Variants in CAST observed in about 807,000 individuals in gnomAD.
CAST encodes the protein MIR583 host.
Under a neutral mutation model 119.6 loss-of-function variants are expected in CAST, and 76 were observed. The observed-to-expected ratio is 0.64, with a 90% confidence interval of 0.53 to 0.77. The LOEUF is 0.77. CAST is among the 30% of genes least tolerant of loss of function. The pLI, the probability that CAST is intolerant of heterozygous loss-of-function variation, is 0.00. For synonymous variants in CAST, 319 were observed against 331.6 expected, an observed-to-expected ratio of 0.96 and a Z score of 0.41; for missense variants, 953 against 946.5, an observed-to-expected ratio of 1.01 and a Z score of -0.09.
chr5:96,659,185 A>T (rs1748208896), upstream of CAST, among the ~76,000 whole-genome samples: 1 of 152,364 alleles, frequency 6.6e-6, no homozygotes, highest in African/African-American at 2.4e-5. Context: ...AACAGATATA[A>T]TGAAAAAGGT....
chr5:96,160,714 T>C, the CAST span, among the ~76,000 whole-genome samples: 1 of 152,178 alleles, frequency 6.6e-6, no homozygotes, highest in African/African-American at 2.4e-5. Flanking sequence ...TACAACATTT[T>C]ACAATCCTAA....
intron 1 of CAST, among the ~76,000 whole-genome samples, chr5:96,534,801 GAAGA>G (rs377420795): frequency 0.087 from 9,407 of 108,004 alleles, 718 homozygotes; most frequent in Non-Finnish European, 0.11. Context: ...AAGAAAGAAA[GAAGA>G]AAGAAAGAAA....
the CAST span, among the ~76,000 whole-genome samples, chr5:96,413,369 T>C: frequency 6.6e-6 from 1 of 152,230 alleles, no homozygotes; most frequent in Non-Finnish European, 1.5e-5. Context: ...TACCTGGTTA[T>C]TTCTGGCTTC....
the CAST span, among the ~76,000 whole-genome samples, chr5:96,468,411 G>T: frequency 6.6e-6 from 1 of 152,068 alleles, no homozygotes. Context: ...AAATTCAGGT[G>T]TGCAATTTAA....
At chr5:96,720,759 C>T (rs997919225) in intron 3 of CAST, among the ~76,000 whole-genome samples, 2 of 152,224 alleles carry the variant, frequency 1.3e-5, no homozygotes, top group Non-Finnish European at 2.9e-5. Flanking sequence ...AGTAACAAGG[C>T]AGGCTGGACA....
chr5:96,650,361 C>A (rs1748075623), intron 1 of CAST, among the ~76,000 whole-genome samples: 2 of 152,182 alleles, frequency 1.3e-5, no homozygotes, highest in Non-Finnish European at 2.9e-5. Context: ...TGGAAGCAAG[C>A]TGCTTTGGGG....
the CAST span, among the ~76,000 whole-genome samples, chr5:95,995,496 A>T: frequency 6.6e-6 from 1 of 152,114 alleles, no homozygotes; most frequent in Non-Finnish European, 1.5e-5. Flanking sequence ...TGACCTATTG[A>T]ATTATTTCAG....
intron 3 of CAST, among the ~76,000 whole-genome samples, chr5:96,705,071 G>A (rs1421233431): frequency 6.6e-6 from 1 of 152,150 alleles, no homozygotes; most frequent in Non-Finnish European, 1.5e-5. Context: ...TGTAATCTCA[G>A]CACTTTAGAA....
chr5:95,964,838 T>G, the CAST span, among the ~76,000 whole-genome samples: 1 of 151,462 alleles, frequency 6.6e-6, no homozygotes. Context: ...ATTTAATAAC[T>G]GAGAAGAAAT....
the CAST span, chr5:96,408,332 C>T: frequency 3.0e-5 from 49 of 1,608,510 alleles, no homozygotes; most frequent in South Asian, 1.1e-4. Flanking sequence ...GTCTGGATGA[C>T]GTCAGGAAGG....
chr5:96,271,089 T>G, the CAST span, among the ~76,000 whole-genome samples: 1 of 151,828 alleles, frequency 6.6e-6, no homozygotes, highest in African/African-American at 2.4e-5. Flanking sequence ...AAGTGAAAGA[T>G]CTATATAAGG....
At chr5:95,981,823 C>T in the CAST span, among the ~76,000 whole-genome samples, 1 of 152,024 alleles carries the variant, frequency 6.6e-6, no homozygotes, top group East Asian at 1.9e-4. Flanking sequence ...TGCAGTGAGC[C>T]GACATCGCAC....
chr5:96,196,031 T>A, the CAST span, among the ~76,000 whole-genome samples: 1 of 152,202 alleles, frequency 6.6e-6, no homozygotes, highest in Non-Finnish European at 1.5e-5. Context: ...TCCATGTTCC[T>A]CTGATAGACT....
the CAST span, among the ~76,000 whole-genome samples, chr5:96,194,441 T>G: frequency 6.6e-6 from 1 of 152,158 alleles, no homozygotes; most frequent in African/African-American, 2.4e-5. Flanking sequence ...GTGATGGGTG[T>G]TGAAGAAGCA....
At chr5:96,241,838 GT>G in the CAST span, among the ~76,000 whole-genome samples, 1 of 150,096 alleles carries the variant, frequency 6.7e-6, no homozygotes, top group African/African-American at 2.4e-5. Context: ...TTTTTCATGT[GT>G]TTTTTGGCTG....
chr5:96,331,125 G>A, the CAST span, among the ~76,000 whole-genome samples: 1 of 152,318 alleles, frequency 6.6e-6, no homozygotes, highest in African/African-American at 2.4e-5. Flanking sequence ...GAAGGTTTAT[G>A]TAGCTGAGGG....
the CAST span, among the ~76,000 whole-genome samples, chr5:96,110,366 G>C: frequency 1.1e-3 from 169 of 152,230 alleles, no homozygotes; most frequent in Non-Finnish European, 1.5e-3. Context: ...AATCAATAAA[G>C]ATAATCCTCT....
chr5:96,454,853 T>C, the CAST span, among the ~76,000 whole-genome samples: 3 of 152,228 alleles, frequency 2.0e-5, no homozygotes, highest in Non-Finnish European at 4.4e-5. Flanking sequence ...TCGGTGCTAA[T>C]ATGCTTTTAA....
the CAST span, among the ~76,000 whole-genome samples, chr5:96,088,125 G>C: frequency 1.3e-5 from 2 of 152,152 alleles, no homozygotes; most frequent in Non-Finnish European, 1.5e-5. Context: ...CAACATCCTG[G>C]TTTAAAAATC....
Sources: allele counts gnomAD v4.1 joint callset (sites outside exome capture counted in the v4.1 genomes callset), GRCh38; gene constraint gnomAD v4.1.1; transcripts MANE v1.5; gene names NCBI Gene and HGNC (gene_info 2026-07-23, HGNC 2026-07-21).